Variants in FRK observed in about 807,000 individuals in gnomAD.
FRK encodes the protein fyn related Src family tyrosine kinase.
A neutral mutation model predicts 56.4 loss-of-function variants in FRK; 51 were observed. The observed-to-expected ratio is 0.90, with a 90% CI of 0.72 to 1.14. The LOEUF is 1.14. FRK is among the 50% of genes most tolerant of loss of function. FRK has a pLI of 0.00. For synonymous variants in FRK, 245 were observed against 217.9 expected (o/e 1.12, Z -1.10); for missense variants, 570 against 601.4 (o/e 0.95, Z 0.55).
At chr6:115,985,614 G>A (rs1392998061) in intron 2 of FRK, among the ~76,000 whole-genome samples, 4 of 152,174 alleles carry the variant, frequency 2.6e-5, no homozygotes, top group Middle Eastern at 3.4e-3. Flanking sequence ...ACTCCATGAC[G>A]CAGTTACTTC....
rs115698501 is a variant in FRK at position 116,011,058 on chromosome 6, G to A, written c.345-7060C>T. On this transcript the variant is annotated intron_variant, in intron 1 of 7. Transcript: ENST00000606080. ...AGAGCTGTCCTGTGATTAACTGGAC[G>A]TGCTTTATTTTATGAAAAAGGCAGT... is the stretch of plus-strand genomic sequence containing the variant. Among the ~76,000 whole-genome samples, 1,338 of 151,166 alleles carry A rather than the reference G, an allele frequency of 8.9e-3. 16 individuals are homozygous for A. Among genetic ancestry groups the A allele is most frequent in the African/African-American group, 0.029 (1,183 of 41,082 alleles).
the FRK span, among the ~76,000 whole-genome samples, chr6:116,089,842 G>A: frequency 0.17 from 25,921 of 151,756 alleles, 2,622 homozygotes; most frequent in African/African-American, 0.27. Flanking sequence ...ACACATTTCC[G>A]CCTATAACAA....
chr6:115,976,898 G>T (rs1774011140), intron 2 of FRK, among the ~76,000 whole-genome samples: 1 of 152,136 alleles, frequency 6.6e-6, no homozygotes, highest in South Asian at 2.1e-4. Context: ...ACAAAAGAGA[G>T]GCAGTTCCAA....
At chr6:116,013,182 C>T (rs1287927038) in intron 1 of FRK, among the ~76,000 whole-genome samples, 2 of 152,076 alleles carry the variant, frequency 1.3e-5, no homozygotes, top group East Asian at 1.9e-4. Flanking sequence ...GGGGAGGTGA[C>T]TATTTATAAA....
At chr6:115,975,163 C>T (rs1290077327) in intron 2 of FRK, among the ~76,000 whole-genome samples, 3 of 152,074 alleles carry the variant, frequency 2.0e-5, no homozygotes, top group African/African-American at 4.8e-5. Context: ...AAAAACCAAC[C>T]TCAGGATATA....
At chr6:115,965,794 G>A (rs1158004754) in intron 4 of FRK, among the ~76,000 whole-genome samples, 6 of 28,448 alleles carry the variant, frequency 2.1e-4, no homozygotes, top group South Asian at 1.4e-3. Context: ...GTAAACTATC[G>A]CAAGAACAAA....
chr6:115,957,212 A>G (rs1437160705), intron 4 of FRK, among the ~76,000 whole-genome samples: 1 of 152,186 alleles, frequency 6.6e-6, no homozygotes, highest in African/African-American at 2.4e-5. Flanking sequence ...CTCCTGTACT[A>G]TCTGCTTCCA....
chr6:116,039,322 T>C, intron 1 of FRK: 1 of 1,422,200 alleles, frequency 7.0e-7, no homozygotes, highest in South Asian at 1.1e-5. Flanking sequence ...GTTCTGAGAA[T>C]GGTGTCCAAC....
At chr6:116,028,048 A>C (rs1776161199) in intron 1 of FRK, among the ~76,000 whole-genome samples, 1 of 152,122 alleles carries the variant, frequency 6.6e-6, no homozygotes, top group African/African-American at 2.4e-5. Flanking sequence ...GTCAACACTC[A>C]ATAAAATACA....
At chr6:116,064,959 T>G (rs1777732668), upstream of FRK, among the ~76,000 whole-genome samples, 1 of 152,172 alleles carries the variant, frequency 6.6e-6, no homozygotes, top group African/African-American at 2.4e-5. Context: ...TTGCCATTCT[T>G]TTACTCAGTA....
intron 1 of FRK, among the ~76,000 whole-genome samples, chr6:116,045,338 A>G (rs1382861561): frequency 1.3e-5 from 2 of 152,218 alleles, no homozygotes. Context: ...AAACTATACT[A>G]CAAGGCAACA....
At chr6:116,049,138 A>G (rs1777097285) in intron 1 of FRK, among the ~76,000 whole-genome samples, 1 of 151,964 alleles carries the variant, frequency 6.6e-6, no homozygotes, top group Non-Finnish European at 1.5e-5. Flanking sequence ...CCTTCTATCT[A>G]TTTCTATTTC....
rs560227823 is a variant in FRK at position 116,047,157 on chromosome 6, G to A, written c.344+12811C>T. Among the ~76,000 whole-genome samples, 7 of 151,964 alleles carry A rather than the reference G, an allele frequency of 4.6e-5. No individual in the cohort carries two copies. In the South Asian group the frequency reaches 1.5e-3, roughly 32 times the overall value. On this transcript the variant is annotated intron_variant, in intron 1 of 7. Coordinates refer to ENST00000606080, the MANE Select transcript of FRK (RefSeq NM_002031.3). The stretch of plus-strand genomic sequence containing the variant: ...TGAGAGGTCACCCATGACAAAAACT[G>A]ATGAATTTTTCTAATAAATTTGGGA...
chr6:116,032,319 A>G (rs1158795718), intron 1 of FRK, among the ~76,000 whole-genome samples: 1 of 152,132 alleles, frequency 6.6e-6, no homozygotes, highest in Non-Finnish European at 1.5e-5. Flanking sequence ...ACATGAGAAA[A>G]AAGAGATGCT....
the FRK span, among the ~76,000 whole-genome samples, chr6:116,100,261 A>G: frequency 7.2e-5 from 11 of 152,236 alleles, no homozygotes; most frequent in Non-Finnish European, 1.5e-4. Context: ...GATGTCTGAT[A>G]CATTTATTTT....
chr6:115,980,226 A>G (rs1015040292), intron 2 of FRK, among the ~76,000 whole-genome samples: 8 of 152,202 alleles, frequency 5.3e-5, no homozygotes, highest in African/African-American at 1.9e-4. Flanking sequence ...AGCAATTTGC[A>G]AAGAATGTTC....
chr6:116,005,068 A>T (rs951142047), intron 1 of FRK, among the ~76,000 whole-genome samples: 2 of 152,194 alleles, frequency 1.3e-5, no homozygotes, highest in African/African-American at 4.8e-5. Context: ...AGAGAATGTG[A>T]GTGCCCTAAC....
At chr6:116,018,949 A>G (rs547316468) in intron 1 of FRK, among the ~76,000 whole-genome samples, 1 of 152,314 alleles carries the variant, frequency 6.6e-6, no homozygotes, top group Non-Finnish European at 1.5e-5. Flanking sequence ...TAGAGCTTCA[A>G]GTAAGCTTGA....
chr6:116,054,529 TATATA>T (rs1452083587), intron 1 of FRK, among the ~76,000 whole-genome samples: 1 of 145,314 alleles, frequency 6.9e-6, no homozygotes, highest in Non-Finnish European at 1.5e-5. Context: ...TATTATATAT[TATATA>T]GTATAATATA....
Sources: gnomAD v4.1 joint callset for allele counts (sites outside exome capture counted in the v4.1 genomes callset) on GRCh38, gnomAD v4.1.1 for gene constraint, MANE v1.5 for transcripts, NCBI Gene and HGNC (gene_info 2026-07-23, HGNC 2026-07-21) for gene names.